The following CFAP299 variants were observed in gnomAD, a reference collection of about 807,000 sequenced individuals.
CFAP299 encodes cilia- and flagella-associated protein 299.
Under a neutral mutation model 27.0 loss-of-function variants are expected in CFAP299, and 21 were observed. The observed-to-expected ratio is 0.78, with a 90% confidence interval of 0.55 to 1.12. The LOEUF is 1.12. CFAP299 is among the 50% of genes most tolerant of loss of function. The pLI, the probability that CFAP299 is intolerant of heterozygous loss-of-function variation, is 0.00. For missense variants in CFAP299, 310 were observed against 276.6 expected, an observed-to-expected ratio of 1.12 and a Z score of -0.86; for synonymous variants, 104 against 98.1, an observed-to-expected ratio of 1.06 and a Z score of -0.36.
At chr4:80,810,161 G>A (rs1189892287) in intron 3 of CFAP299, among the ~76,000 whole-genome samples, 1 of 151,938 alleles carries the variant, frequency 6.6e-6, no homozygotes, top group Non-Finnish European at 1.5e-5. Context: ...AAGGTGTATT[G>A]TCTGACAAGC....
Position 80,591,578 on chromosome 4 carries a change from AC to A in CFAP299, c.333+8398del, listed in dbSNP as rs201284892. 9.7e-3 allele frequency among the ~76,000 whole-genome samples: 1,479 copies of A among 152,172 alleles called. 15 individuals are homozygous for A. Among genetic ancestry groups the A allele is most frequent in the Non-Finnish European group, 0.012 (817 of 67,982 alleles). Reference sequence around the variant, plus strand: ...CCATGGATGTCCTCACTAATCCCTAACCCTCTCCACCTAGATGATCAATTAC... The same window carrying A: ...CCATGGATGTCCTCACTAATCCCTAACCTCTCCACCTAGATGATCAATTAC... On this transcript the variant is annotated intron_variant, in intron 3 of 5. Transcript: ENST00000358105.
At chr4:80,778,928 A>G (rs2110089348) in intron 3 of CFAP299, among the ~76,000 whole-genome samples, 1 of 152,168 alleles carries the variant, frequency 6.6e-6, no homozygotes. Flanking sequence ...AAATTAACCC[A>G]CAAATTTTCA....
intron 3 of CFAP299, among the ~76,000 whole-genome samples, chr4:80,772,187 T>C (rs777971272): frequency 1.3e-5 from 2 of 152,140 alleles, no homozygotes; most frequent in Non-Finnish European, 2.9e-5. Context: ...AGTAAACAGA[T>C]CGTAAAGATT....
rs369191910 is a variant in CFAP299, at chr4:80,714,014, A to AATAT, written c.333+130842_333+130845dup. 5.6e-4 allele frequency among the ~76,000 whole-genome samples: 85 copies of AATAT among 151,378 alleles called. 1 individual carries two copies. The highest frequency in any genetic ancestry group is 1.9e-3 in the African/African-American group (78 of 41,334). Reference sequence around the variant, plus strand: ...CTCTATTAAACTTATGAGATAGTGGAATATATATATATATGTATAGCTTCA... The same window carrying AATAT: ...CTCTATTAAACTTATGAGATAGTGGAATATATATATATATATATGTATAGCTTCA... On this transcript the variant is annotated intron_variant, in intron 3 of 5. Transcript: ENST00000358105.
At chr4:80,958,755 C>T (rs1245869420) in intron 5 of CFAP299, among the ~76,000 whole-genome samples, 1 of 152,134 alleles carries the variant, frequency 6.6e-6, no homozygotes, top group Admixed American at 6.6e-5. Flanking sequence ...ACAGTGGGTC[C>T]TGGAAATCCT....
intron 3 of CFAP299, among the ~76,000 whole-genome samples, chr4:80,612,631 T>C (rs1233912425): frequency 6.6e-6 from 1 of 152,130 alleles, no homozygotes; most frequent in Admixed American, 6.5e-5. Context: ...ACCCAAACTA[T>C]CCTTTTATTA....
At chr4:80,642,503 C>T (rs929156523) in intron 3 of CFAP299, among the ~76,000 whole-genome samples, 17 of 152,300 alleles carry the variant, frequency 1.1e-4, no homozygotes, top group Middle Eastern at 3.4e-3. Context: ...TGGTGGCTCA[C>T]GCCCATAATC....
intron 2 of CFAP299, among the ~76,000 whole-genome samples, chr4:80,483,532 A>G (rs771409083): frequency 1.3e-5 from 2 of 152,220 alleles, no homozygotes; most frequent in Middle Eastern, 3.4e-3. Flanking sequence ...ATAATCTTGT[A>G]TAATGTGGGT....
intron 3 of CFAP299, among the ~76,000 whole-genome samples, chr4:80,736,734 C>T (rs1156594358): frequency 6.6e-6 from 1 of 152,160 alleles, no homozygotes; most frequent in African/African-American, 2.4e-5. Flanking sequence ...ACTAGTTCAA[C>T]CACTGTGGAA....
At chr4:80,384,801 G>A (rs1724882480) in intron 2 of CFAP299, among the ~76,000 whole-genome samples, 1 of 152,086 alleles carries the variant, frequency 6.6e-6, no homozygotes, top group Admixed American at 6.5e-5. Context: ...CAGGGACATA[G>A]AGTTAAGTCA....
chr4:80,629,104 G>A (rs1577952536), intron 3 of CFAP299, among the ~76,000 whole-genome samples: 1 of 151,994 alleles, frequency 6.6e-6, no homozygotes, highest in African/African-American at 2.4e-5. Flanking sequence ...TAAAAAATGT[G>A]GACACAATGG....
chr4:80,813,349 CACAA>C (rs1214756791), intron 3 of CFAP299, among the ~76,000 whole-genome samples: 3 of 151,776 alleles, frequency 2.0e-5, no homozygotes, highest in East Asian at 1.9e-4. Flanking sequence ...GGAAAATTTT[CACAA>C]ACAAAGAAAA....
intron 1 of CFAP299, among the ~76,000 whole-genome samples, chr4:80,357,241 G>A (rs1403597062): frequency 6.6e-6 from 1 of 152,158 alleles, no homozygotes; most frequent in African/African-American, 2.4e-5. Flanking sequence ...CGGTTTGTCA[G>A]TATTTTATTG....
chr4:80,388,713 C>T, intron 2 of CFAP299: 1 of 733,848 alleles, frequency 1.4e-6, no homozygotes, highest in Non-Finnish European at 2.4e-6. Context: ...ATCACCTGCA[C>T]CATCTTGGAG....
chr4:80,399,679 C>G (rs1726028386), intron 2 of CFAP299, among the ~76,000 whole-genome samples: 1 of 118,318 alleles, frequency 8.5e-6, no homozygotes, highest in Non-Finnish European at 1.6e-5. Context: ...CATCACACAC[C>G]AGGGCCTGTT....
chr4:80,955,023 A>C (rs1161020095), intron 5 of CFAP299, among the ~76,000 whole-genome samples: 5 of 107,562 alleles, frequency 4.6e-5, no homozygotes, highest in South Asian at 2.9e-4. Context: ...AAAAAAAAAA[A>C]AAAAAAAAAA....
At chr4:80,829,896 A>G (rs1346423490) in intron 3 of CFAP299, among the ~76,000 whole-genome samples, 1 of 152,078 alleles carries the variant, frequency 6.6e-6, no homozygotes, top group Non-Finnish European at 1.5e-5. Context: ...GACAGAAAGT[A>G]GAGTGGTGGC....
chr4:80,414,679 G>C (rs1726915219), intron 2 of CFAP299, among the ~76,000 whole-genome samples: 1 of 152,188 alleles, frequency 6.6e-6, no homozygotes, highest in Admixed American at 6.5e-5. Flanking sequence ...GTATTGTCAA[G>C]GGTCATGGAA....
intron 1 of CFAP299, among the ~76,000 whole-genome samples, chr4:80,346,795 T>C (rs1039218971): frequency 3.3e-5 from 5 of 152,178 alleles, no homozygotes; most frequent in East Asian, 3.8e-4. Flanking sequence ...AGTAGTTTTT[T>C]CCAATTCTGT....
Sources: gnomAD v4.1 joint callset for allele counts (sites outside exome capture counted in the v4.1 genomes callset) on GRCh38, gnomAD v4.1.1 for gene constraint, MANE v1.5 for transcripts, NCBI Gene and HGNC (gene_info 2026-07-23, HGNC 2026-07-21) for gene names.